Variants in COL19A1 observed in about 807,000 individuals in gnomAD.
COL19A1 encodes collagen type XIX alpha 1 chain.
In COL19A1, 159 loss-of-function variants were observed where a neutral mutation model predicts 190.2. The ratio of observed to expected loss-of-function variants is 0.84; its 90% CI spans 0.73 to 0.95. COL19A1 has a LOEUF of 0.95. Among genes scored for constraint, COL19A1 ranks in the 40% least tolerant of loss-of-function variants. COL19A1 has a pLI of 0.00. For missense variants in COL19A1, 1,418 were observed against 1,431.9 expected (o/e 0.99, Z 0.16); for synonymous variants, 509 against 458.9 (o/e 1.11, Z -1.39).
intron 4 of COL19A1, among the ~76,000 whole-genome samples, chr6:69,914,907 T>G (rs1043942638): frequency 2.0e-5 from 3 of 152,226 alleles, no homozygotes; most frequent in Non-Finnish European, 4.4e-5. Context: ...AGCACTGAAA[T>G]TATAAAAGTT....
intron 49 of COL19A1, among the ~76,000 whole-genome samples, chr6:70,206,000 A>G (rs376433507): frequency 6.6e-6 from 1 of 152,186 alleles, no homozygotes; most frequent in East Asian, 1.9e-4. Context: ...TTACTTAGAG[A>G]AGATATAATG....
chr6:69,882,031 A>G (rs1768593568), intron 2 of COL19A1, among the ~76,000 whole-genome samples: 1 of 152,218 alleles, frequency 6.6e-6, no homozygotes, highest in Admixed American at 6.5e-5. Context: ...GATTACATCT[A>G]AAAATAAAAT....
chr6:69,926,970 T>A (rs537683546), intron 4 of COL19A1, among the ~76,000 whole-genome samples: 7 of 152,190 alleles, frequency 4.6e-5, no homozygotes, highest in African/African-American at 1.7e-4. Context: ...GATGACATAG[T>A]CAACGTTTTG....
At chr6:70,115,832 T>TTTTG (rs1207714337) in intron 16 of COL19A1, among the ~76,000 whole-genome samples, 5 of 140,532 alleles carry the variant, frequency 3.6e-5, no homozygotes, top group African/African-American at 1.3e-4. Context: ...TTTGTTTTTT[T>TTTTG]TTTTTTTTTT....
intron 14 of COL19A1, among the ~76,000 whole-genome samples, chr6:70,063,540 A>T (rs1780976226): frequency 6.6e-6 from 1 of 152,174 alleles, no homozygotes. Context: ...GAAAGATCTA[A>T]AATTGACACC....
intron 1 of COL19A1, among the ~76,000 whole-genome samples, chr6:69,871,328 A>G (rs532600245): frequency 2.8e-4 from 42 of 152,354 alleles, no homozygotes; most frequent in Admixed American, 9.8e-4. Flanking sequence ...GTGTCACTTC[A>G]TAACAGTATG....
intron 14 of COL19A1, among the ~76,000 whole-genome samples, chr6:70,050,631 A>G (rs1373442280): frequency 1.3e-5 from 2 of 152,124 alleles, no homozygotes; most frequent in African/African-American, 2.4e-5. Context: ...ACAGAAAACT[A>G]TAACATCACT....
chr6:70,134,220 A>G (rs1785697229), intron 18 of COL19A1, among the ~76,000 whole-genome samples: 1 of 152,150 alleles, frequency 6.6e-6, no homozygotes, highest in Non-Finnish European at 1.5e-5. Flanking sequence ...TCTCTATCAA[A>G]CCAACAACAA....
At chr6:70,066,829 A>G (rs1316278556) in intron 14 of COL19A1, among the ~76,000 whole-genome samples, 1 of 152,072 alleles carries the variant, frequency 6.6e-6, no homozygotes, top group Non-Finnish European at 1.5e-5. Context: ...ATTTATTTGC[A>G]TTTGTATTAT....
In COL19A1 at chr6:70,188,251, T is replaced by C. The variant is rs2150294759; in HGVS notation, c.3027+6T>C. The C allele has an allele frequency of 6.2e-7, 1 of 1,605,702 alleles. No individual in the cohort carries two copies. The highest frequency in any genetic ancestry group is 2.2e-5 in the East Asian group (1 of 44,782). ...CAGGCATCCCTGGCATTCCGGTAAG[T>C]AGTGCTAAGACGCTTTAGGGCTCCT... On this transcript the variant is annotated splice_donor_region_variant and intron_variant, in intron 47 of 50. Transcript: ENST00000620364.
Position 70,156,386 on chromosome 6 carries a change from T to A in COL19A1, c.2238+17T>A. 6.2e-7 allele frequency: 1 copy of A among 1,612,164 alleles called. No individual in the cohort carries two copies. On this transcript the variant is annotated intron_variant, in intron 33 of 50. Transcript: ENST00000620364. ...GGACCAAAGGTAAGAAATTCTCTCC[T>A]CCACTTTCCCCTGTGGGAACCTCAA...
intron 4 of COL19A1, among the ~76,000 whole-genome samples, chr6:69,921,227 T>C (rs891423311): frequency 1.7e-4 from 23 of 132,142 alleles, no homozygotes; most frequent in Non-Finnish European, 3.1e-4. Flanking sequence ...TATATCCATA[T>C]GTATTATATA....
At chr6:70,111,806 G>A (rs1784300992) in intron 16 of COL19A1, among the ~76,000 whole-genome samples, 1 of 152,134 alleles carries the variant, frequency 6.6e-6, no homozygotes, top group African/African-American at 2.4e-5. Flanking sequence ...ATAGATAAGG[G>A]AGAGACCTTA....
intron 9 of COL19A1, among the ~76,000 whole-genome samples, chr6:69,939,668 A>G (rs182161421): frequency 2.0e-4 from 31 of 152,176 alleles, no homozygotes; most frequent in South Asian, 1.2e-3. Flanking sequence ...TAGTGTCTCT[A>G]TCCTCATTTT....
In COL19A1 at chr6:70,034,310, A is replaced by G; in HGVS notation, c.1134+12A>G. Reference sequence around the variant, plus strand: ...CAAAAGGAGAAAAGGTATTGTGTTTACCCAGCCAAGCCCAACCTTTCTTTA... The same window carrying G: ...CAAAAGGAGAAAAGGTATTGTGTTTGCCCAGCCAAGCCCAACCTTTCTTTA... On this transcript the variant is annotated intron_variant, in intron 13 of 50. Coordinates refer to ENST00000620364, the MANE Select transcript of COL19A1 (RefSeq NM_001858.6). The G allele has an allele frequency of 6.2e-7, 1 of 1,610,098 alleles. No homozygotes were observed.
At chr6:69,898,291 C>T (rs116706102) in intron 2 of COL19A1, among the ~76,000 whole-genome samples, 1,962 of 152,212 alleles carry the variant, frequency 0.013, 46 homozygotes, top group African/African-American at 0.038. Context: ...TGTCCTAAGA[C>T]GTTGAAAAAT....
intron 16 of COL19A1, among the ~76,000 whole-genome samples, chr6:70,111,827 T>C (rs561691247): frequency 7.2e-5 from 11 of 152,174 alleles, no homozygotes; most frequent in South Asian, 2.1e-4. Flanking sequence ...ACATCACACA[T>C]TTGAGTTGAA....
intron 37 of COL19A1, 98 bp downstream of exon 37, chr6:70,166,083 A>G (rs531024739): frequency 1.9e-5 from 21 of 1,083,708 alleles, no homozygotes; most frequent in East Asian, 1.4e-4. Flanking sequence ...CAAAGATAAA[A>G]TTCTTCTGAA....
chr6:70,058,389 T>A (rs1337373263), intron 14 of COL19A1, among the ~76,000 whole-genome samples: 1 of 152,048 alleles, frequency 6.6e-6, no homozygotes, highest in South Asian at 2.1e-4. Context: ...TTACTACAAT[T>A]GGTAATGATT....
Sources: allele counts gnomAD v4.1 joint callset (sites outside exome capture counted in the v4.1 genomes callset), GRCh38; gene constraint gnomAD v4.1.1; transcripts MANE v1.5; gene names NCBI Gene and HGNC (gene_info 2026-07-23, HGNC 2026-07-21).